The following TMEM123 variants were observed in gnomAD, a reference collection of about 807,000 sequenced individuals.
The protein encoded by TMEM123 is transmembrane protein 123, also known as porimin.
In TMEM123, 16 loss-of-function variants were observed where a neutral mutation model predicts 19.7. The ratio of observed to expected loss-of-function variants is 0.81; its 90% CI spans 0.55 to 1.23. The LOEUF is 1.23. Among genes scored for constraint, TMEM123 ranks in the 50% most tolerant of loss-of-function variants. The pLI is 0.00. For missense variants in TMEM123, 313 were observed against 257.8 expected (o/e 1.21, Z -1.47); for synonymous variants, 118 against 99.4 (o/e 1.19, Z -1.12).
rs1555056271 is a variant in TMEM123 at position 102,426,864 on chromosome 11, C to CA, written c.157+21947_157+21948insT. ...CTTAATGTTTTTAAAGTAGTTCCCCCCCCCCCCCCATTTATTGCTCAAAAT... is the reference window on the plus strand; with the variant it reads ...CTTAATGTTTTTAAAGTAGTTCCCCCACCCCCCCCCATTTATTGCTCAAAAT... On this transcript the variant is annotated intron_variant, in intron 2 of 4. Transcript: ENST00000398136. 1.7e-4 allele frequency among the ~76,000 whole-genome samples: 10 copies of CA among 57,668 alleles called. 4 individuals carry two copies. Among genetic ancestry groups the CA allele is most frequent in the Non-Finnish European group, 1.1e-4 (3 of 28,134 alleles). The allele number at this position is 57,668 out of a possible 152,430, so 37.8% of individuals were successfully genotyped here. A position where few individuals can be genotyped will look rare whatever the true frequency, so the allele number is the denominator to read the frequency against.
intron 2 of TMEM123, among the ~76,000 whole-genome samples, chr11:102,405,817 A>C (rs1951951043): frequency 6.6e-6 from 1 of 152,224 alleles, no homozygotes; most frequent in Non-Finnish European, 1.5e-5. Flanking sequence ...AAAGAAACAA[A>C]AAATTTTGTC....
At chr11:102,401,031 G>C (rs1469503851) in intron 4 of TMEM123, among the ~76,000 whole-genome samples, 2 of 152,056 alleles carry the variant, frequency 1.3e-5, no homozygotes, top group Admixed American at 6.6e-5. Context: ...CATCTAAAAA[G>C]AGAGTTTTGC....
At chr11:102,430,301 A>G (rs1027997289) in intron 2 of TMEM123, among the ~76,000 whole-genome samples, 2 of 152,210 alleles carry the variant, frequency 1.3e-5, no homozygotes, top group Admixed American at 6.5e-5. Context: ...CATATCCTTT[A>G]CTGTTTCAAC....
chr11:102,452,441 T>C, intron 1 of TMEM123, 83 bp downstream of exon 1: 2 of 1,213,812 alleles, frequency 1.6e-6, no homozygotes, highest in Non-Finnish European at 2.2e-6. Flanking sequence ...GAACTTTCTG[T>C]ACCAGAGCCC....
In TMEM123 at chr11:102,397,720, A is replaced by AT. The variant is rs1335672654; in HGVS notation, c.*1146dup. ...TTTTGGTGTTTGTTTTAGTATAAAAATGTCATTTCCCCAAATCTGAGTAAT... is the reference window on the plus strand; with the variant it reads ...TTTTGGTGTTTGTTTTAGTATAAAAATTGTCATTTCCCCAAATCTGAGTAAT... On this transcript the variant is annotated 3_prime_UTR_variant, in exon 5 of 5. Coordinates refer to ENST00000398136, the MANE Select transcript of TMEM123 (RefSeq NM_052932.3). 6.6e-6 allele frequency: 1 copy of AT among 152,192 alleles called. No homozygotes were observed. Among genetic ancestry groups the AT allele is most frequent in the Non-Finnish European group, 1.5e-5 (1 of 68,026 alleles). The allele number at this position is 152,192 out of a possible 1,614,324, so 9.4% of individuals were successfully genotyped here.
At chr11:102,449,680 G>T (rs1183598449) in intron 1 of TMEM123, among the ~76,000 whole-genome samples, 1 of 152,152 alleles carries the variant, frequency 6.6e-6, no homozygotes, top group Admixed American at 6.5e-5. Context: ...ATCACAAAAG[G>T]ATACAGTGTA....
intron 2 of TMEM123, among the ~76,000 whole-genome samples, chr11:102,428,691 G>T (rs1433563906): frequency 6.6e-6 from 1 of 152,018 alleles, no homozygotes; most frequent in Non-Finnish European, 1.5e-5. Flanking sequence ...TGGCCATCTG[G>T]ACAATTACTT....
chr11:102,419,943 C>T (rs1421271837), intron 2 of TMEM123, among the ~76,000 whole-genome samples: 1 of 152,222 alleles, frequency 6.6e-6, no homozygotes, highest in Non-Finnish European at 1.5e-5. Flanking sequence ...CCAGGAAATA[C>T]ACTGTAAGCA....
chr11:102,436,386 C>T (rs934917921), intron 2 of TMEM123, among the ~76,000 whole-genome samples: 3 of 151,906 alleles, frequency 2.0e-5, no homozygotes, highest in African/African-American at 7.2e-5. Context: ...TGGTATCAAA[C>T]TCCTGACCTC....
rs570664215 is a variant in TMEM123 at position 102,436,603 on chromosome 11, G to A, written c.157+12209C>T. On this transcript the variant is annotated intron_variant, in intron 2 of 4. Coordinates refer to ENST00000398136, the MANE Select transcript of TMEM123 (RefSeq NM_052932.3). Reference sequence around the variant, plus strand: ...AGAGATGAAGAGCCATGCAGTTAACGTTCAGTACCAATTATTGTTTAACTC... The same window carrying A: ...AGAGATGAAGAGCCATGCAGTTAACATTCAGTACCAATTATTGTTTAACTC... 2.3e-4 allele frequency among the ~76,000 whole-genome samples: 35 copies of A among 151,900 alleles called. 1 individual carries two copies. Among genetic ancestry groups the A allele is most frequent in the Non-Finnish European group, 3.7e-4 (25 of 67,886 alleles).
At chr11:102,427,751 T>C (rs1368674934) in intron 2 of TMEM123, among the ~76,000 whole-genome samples, 1 of 149,332 alleles carries the variant, frequency 6.7e-6, no homozygotes, top group Non-Finnish European at 1.5e-5. Context: ...GGCAGGAGAA[T>C]CACTGGAACC....
intron 3 of TMEM123, 83 bp from the exon 4 acceptor site, chr11:102,401,775 G>T: frequency 6.7e-7 from 1 of 1,490,950 alleles, no homozygotes; most frequent in Non-Finnish European, 9.0e-7. Context: ...GATTTTCTGT[G>T]TTAAGAACAT....
chr11:102,419,098 C>A (rs1407257570), intron 2 of TMEM123, among the ~76,000 whole-genome samples: 1 of 151,998 alleles, frequency 6.6e-6, no homozygotes, highest in African/African-American at 2.4e-5. Flanking sequence ...AATCTGTACA[C>A]CAAACCCGTC....
intron 2 of TMEM123, among the ~76,000 whole-genome samples, chr11:102,425,134 G>T (rs537403672): frequency 6.6e-6 from 1 of 152,306 alleles, no homozygotes; most frequent in South Asian, 2.1e-4. Context: ...ATATCAGAAA[G>T]AAACAGAGGC....
At chr11:102,438,074 G>A (rs1565355085) in intron 2 of TMEM123, among the ~76,000 whole-genome samples, 1 of 152,062 alleles carries the variant, frequency 6.6e-6, no homozygotes, top group Non-Finnish European at 1.5e-5. Context: ...TATTTTTTGA[G>A]ACAAAGTCTT....
rs1444927411 is a variant in TMEM123, at chr11:102,433,230, T to C, written c.157+15582A>G. ...AAAGCCACAGACACTCAACGCCAGC[T>C]AGTGACAGCATCTGGGAAGGGGGCT... On this transcript the variant is annotated intron_variant, in intron 2 of 4. Transcript: ENST00000398136. 3.3e-5 allele frequency among the ~76,000 whole-genome samples: 5 copies of C among 151,894 alleles called. 1 individual carries two copies. Among genetic ancestry groups the C allele is most frequent in the Non-Finnish European group, 7.4e-5 (5 of 67,870 alleles).
chr11:102,415,754 C>A (rs1418907091), intron 2 of TMEM123, among the ~76,000 whole-genome samples: 1 of 152,132 alleles, frequency 6.6e-6, no homozygotes, highest in Non-Finnish European at 1.5e-5. Context: ...CCTAACTTTA[C>A]ACCTAGGGGA....
chr11:102,406,297 G>A (rs944998184), intron 2 of TMEM123, among the ~76,000 whole-genome samples: 14 of 152,150 alleles, frequency 9.2e-5, no homozygotes, highest in African/African-American at 3.1e-4. Context: ...GGGGTAAAGA[G>A]GAGAATGCCA....
chr11:102,436,298 G>A (rs1331539838), intron 2 of TMEM123, among the ~76,000 whole-genome samples: 4 of 151,872 alleles, frequency 2.6e-5, no homozygotes, highest in Admixed American at 6.6e-5. Flanking sequence ...GAGTAGCTGG[G>A]ACTACAGGCG....
Sources: gnomAD v4.1 joint callset for allele counts (sites outside exome capture counted in the v4.1 genomes callset) on GRCh38, gnomAD v4.1.1 for gene constraint, MANE v1.5 for transcripts, NCBI Gene and HGNC (gene_info 2026-07-23, HGNC 2026-07-21) for gene names.